The following ATXN1 variants were observed in gnomAD, a reference collection of about 807,000 sequenced individuals.
ATXN1 encodes the protein ataxin-1.
Under a neutral mutation model 56.4 loss-of-function variants are expected in ATXN1, and 8 were observed. That is an observed-to-expected ratio of 0.14 (90% CI 0.08 to 0.26). The LOEUF (loss-of-function observed/expected upper bound fraction) is 0.26, where lower values mean the gene tolerates loss of function less well. Ranked by LOEUF, ATXN1 falls within the 10% of genes least tolerant of loss-of-function variation. ATXN1 has a pLI of 1.00. For synonymous variants in ATXN1, 514 were observed against 494.6 expected (o/e 1.04, Z -0.52); for missense variants, 987 against 1,106.5 (o/e 0.89, Z 1.53).
chr6:16,303,528 ACT>A lies in ATXN1; in HGVS notation c.*2799_*2800del, dbSNP rs1490815402. ...TTTAACTATATAGCACACTGGTCAG[ACT>A]CTATTGGCACAGAAAGTATTGCACA... On this transcript the variant is annotated 3_prime_UTR_variant, in exon 8 of 8. Transcript: ENST00000436367. The surrounding 1 kb of genome is among the most constrained non-coding windows in gnomAD (Gnocchi z 4.3). 1 of 152,710 alleles carries A rather than the reference ACT, an allele frequency of 6.5e-6. No individual in the cohort carries two copies. Among genetic ancestry groups the A allele is most frequent in the African/African-American group, 2.4e-5 (1 of 41,464 alleles). 9.5% of individuals were successfully genotyped at this position (152,710 alleles called of 1,614,324 possible). A position where few individuals can be genotyped will look rare whatever the true frequency, so the allele number is the denominator to read the frequency against.
chr6:16,453,873 G>A (rs1759807537), intron 6 of ATXN1, among the ~76,000 whole-genome samples: 1 of 152,150 alleles, frequency 6.6e-6, no homozygotes, highest in Non-Finnish European at 1.5e-5. Context: ...GGGCGAGATG[G>A]CTCACACTTG....
intron 4 of ATXN1, among the ~76,000 whole-genome samples, chr6:16,583,883 A>C (rs1014688445): frequency 6.6e-6 from 1 of 152,198 alleles, no homozygotes; most frequent in African/African-American, 2.4e-5. Context: ...AGAGAGGCAA[A>C]GTAATTTTGG....
At position 16,326,912 on chromosome 6, in the gene ATXN1, C is replaced by T. The variant is rs34265178; in HGVS notation, c.1399G>A (p.Gly467Ser). ...GCGTAGGTGATTGCTTGCTGCTGGCCGCTCAGGTAGCCGATGACAGGGGGT... is the reference window on the plus strand; with the variant it reads ...GCGTAGGTGATTGCTTGCTGCTGGCTGCTCAGGTAGCCGATGACAGGGGGT... The part of the protein sequence containing the change: ...TQPPVIGYLS[G>S]QQQAITYAGS... Residue 467 changes from glycine (G) to serine (S), a missense_variant, in exon 7 of 8, where the codon GGC becomes AGC. Physicochemically the swap from Gly to Ser is moderately conservative, Grantham distance 56. This residue lies in a region of ATXN1 where 723 missense variants were observed against 791.7 expected (regional missense o/e 0.91). Transcript: ENST00000436367. The surrounding 1 kb of genome is among the most constrained non-coding windows in gnomAD (Gnocchi z 6.6). 762 of 1,613,424 alleles carry T rather than the reference C, an allele frequency of 4.7e-4. 3 individuals are homozygous for T. In the African/African-American group the frequency reaches 8.8e-3, roughly 19 times the overall value.
At chr6:16,472,231 C>G (rs573153211) in intron 6 of ATXN1, among the ~76,000 whole-genome samples, 1 of 152,244 alleles carries the variant, frequency 6.6e-6, no homozygotes, top group Admixed American at 6.5e-5. Context: ...TCCATACACT[C>G]TAGAACAGAT....
At chr6:16,501,368 A>G (rs1044388392) in intron 5 of ATXN1, among the ~76,000 whole-genome samples, 5 of 152,236 alleles carry the variant, frequency 3.3e-5, no homozygotes, top group Non-Finnish European at 5.9e-5. Flanking sequence ...CAGGTTTGTT[A>G]CATAGGTATA....
chr6:16,586,208 G>A (rs752764864), intron 3 of ATXN1, among the ~76,000 whole-genome samples: 5 of 152,014 alleles, frequency 3.3e-5, no homozygotes, highest in Non-Finnish European at 7.4e-5. Flanking sequence ...AAATAATCCC[G>A]TTCCTGCCCC....
chr6:16,344,538 G>C lies in ATXN1; in HGVS notation c.-160-16068C>G, dbSNP rs113145342. The stretch of plus-strand genomic sequence containing the variant: ...GTCTTCTGGCCTTCATCTTTTTCTC[G>C]TGCTGGATGCTTCCTGCCCTCGAAC... On this transcript the variant is annotated intron_variant, in intron 6 of 7. Transcript: ENST00000436367. Among the ~76,000 whole-genome samples the C allele has an allele frequency of 1.8e-3, 277 of 152,280 alleles. 4 individuals carry two copies. The highest frequency in any genetic ancestry group is 6.1e-3 in the African/African-American group (254 of 41,542).
chr6:16,330,171 C>T (rs1760947264), intron 6 of ATXN1, among the ~76,000 whole-genome samples: 1 of 152,040 alleles, frequency 6.6e-6, no homozygotes, highest in Admixed American at 6.6e-5. Flanking sequence ...CTTCCTTGGC[C>T]TCCCAAAGTG....
chr6:16,707,120 C>A (rs1467741893), intron 2 of ATXN1, among the ~76,000 whole-genome samples: 1 of 152,078 alleles, frequency 6.6e-6, no homozygotes. Context: ...GGCTCCTCCT[C>A]CCCATTCATA....
At chr6:16,703,386 C>T (rs569247264) in intron 2 of ATXN1, among the ~76,000 whole-genome samples, 3 of 152,162 alleles carry the variant, frequency 2.0e-5, no homozygotes, top group South Asian at 2.1e-4. Context: ...ATGTAAATGA[C>T]GATTTAATGG....
intron 4 of ATXN1, among the ~76,000 whole-genome samples, chr6:16,542,064 A>C (rs1761725579): frequency 1.3e-5 from 2 of 151,836 alleles, no homozygotes; most frequent in Non-Finnish European, 2.9e-5. Flanking sequence ...CGCCACCACC[A>C]AGAATTACTT....
rs1761048223 is a variant in ATXN1, at chr6:16,760,387, T to C, written c.-730+911A>G. Reference sequence around the variant, plus strand: ...TGCTGGCGGGGGCGCCGGCCCGGACTGGGGCGCTCGCGGGCTCCCGGCTCC... The same window carrying C: ...TGCTGGCGGGGGCGCCGGCCCGGACCGGGGCGCTCGCGGGCTCCCGGCTCC... On this transcript the variant is annotated intron_variant, in intron 1 of 7. Coordinates refer to ENST00000436367, the MANE Select transcript of ATXN1 (RefSeq NM_001128164.2). This position sits in a 1 kb window ranked among gnomAD's most constrained non-coding sequence, Gnocchi z 5.3. 6.6e-6 allele frequency among the ~76,000 whole-genome samples: 1 copy of C among 151,234 alleles called. No homozygotes were observed. The highest frequency in any genetic ancestry group is 2.4e-5 in the African/African-American group (1 of 41,246).
intron 6 of ATXN1, among the ~76,000 whole-genome samples, chr6:16,417,205 A>G (rs1202782181): frequency 6.6e-6 from 1 of 152,100 alleles, no homozygotes; most frequent in African/African-American, 2.4e-5. Flanking sequence ...CTACTTAAAA[A>G]AAAATTTTCT....
chr6:16,760,852 G>A lies in ATXN1; in HGVS notation c.-730+446C>T, dbSNP rs1761069220. 6.7e-6 allele frequency among the ~76,000 whole-genome samples: 1 copy of A among 149,718 alleles called. No individual in the cohort carries two copies. Among genetic ancestry groups the A allele is most frequent in the African/African-American group, 2.4e-5 (1 of 40,854 alleles). On this transcript the variant is annotated intron_variant, in intron 1 of 7. Coordinates refer to ENST00000436367, the MANE Select transcript of ATXN1 (RefSeq NM_001128164.2). The surrounding 1 kb of genome is among the most constrained non-coding windows in gnomAD (Gnocchi z 5.3). Reference sequence around the variant, plus strand: ...CCCCCTGCGCCACCCGGAGGGAGGAGGACATGGCTCTCCGCACTTGCGACC... The same window carrying A: ...CCCCCTGCGCCACCCGGAGGGAGGAAGACATGGCTCTCCGCACTTGCGACC...
chr6:16,709,966 G>C (rs1759488273), intron 2 of ATXN1, among the ~76,000 whole-genome samples: 1 of 152,140 alleles, frequency 6.6e-6, no homozygotes, highest in African/African-American at 2.4e-5. Flanking sequence ...CATCTCAACA[G>C]AGGCAAAAAT....
chr6:16,480,580 G>T (rs1760418616), intron 6 of ATXN1, among the ~76,000 whole-genome samples: 1 of 152,066 alleles, frequency 6.6e-6, no homozygotes, highest in African/African-American at 2.4e-5. Context: ...CTGGATCCCT[G>T]ATAGACTCAA....
At chr6:16,407,331 G>A (rs754273909) in intron 6 of ATXN1, among the ~76,000 whole-genome samples, 7 of 152,172 alleles carry the variant, frequency 4.6e-5, no homozygotes, top group African/African-American at 9.7e-5. Flanking sequence ...TAATATGGTC[G>A]GAATGAATGG....
intron 6 of ATXN1, among the ~76,000 whole-genome samples, chr6:16,397,137 G>C (rs1393562471): frequency 6.6e-6 from 1 of 152,104 alleles, no homozygotes; most frequent in Admixed American, 6.5e-5. Context: ...TCTCATGGTT[G>C]GTAATGTCAC....
At chr6:16,356,841 G>A (rs1761697781) in intron 6 of ATXN1, among the ~76,000 whole-genome samples, 2 of 152,108 alleles carry the variant, frequency 1.3e-5, no homozygotes, top group Admixed American at 1.3e-4. Flanking sequence ...ACATTTTTAG[G>A]AAGATGAATC....
Sources: allele counts gnomAD v4.1 joint callset (sites outside exome capture counted in the v4.1 genomes callset), GRCh38; gene constraint gnomAD v4.1.1; regional missense constraint gnomAD v4.1.1; non-coding constraint Gnocchi (gnomAD v3.1); transcripts MANE v1.5; gene names NCBI Gene and HGNC (gene_info 2026-07-23, HGNC 2026-07-21).